Variants in MCTP1 observed in about 807,000 individuals in gnomAD.
MCTP1 encodes the protein multiple C2 and transmembrane domain containing 1, also known as multiple C2 and transmembrane domain-containing protein 1.
Under a neutral mutation model 120.6 loss-of-function variants are expected in MCTP1, and 69 were observed. That is an observed-to-expected ratio of 0.57 (90% CI 0.47 to 0.70). The LOEUF is 0.70. Ranked by LOEUF, MCTP1 falls within the 30% of genes least tolerant of loss-of-function variation. MCTP1 has a pLI of 0.00. For synonymous variants in MCTP1, 529 were observed against 493.1 expected (o/e 1.07, Z -0.96); for missense variants, 1,203 against 1,248.8 (o/e 0.96, Z 0.55).
At chr5:95,024,474 C>A (rs1046480552) in intron 1 of MCTP1, among the ~76,000 whole-genome samples, 5 of 152,016 alleles carry the variant, frequency 3.3e-5, no homozygotes, top group African/African-American at 1.2e-4. Flanking sequence ...ACAGTAAACA[C>A]CATATATGAC....
At chr5:94,780,411 C>T (rs1045639985) in intron 18 of MCTP1, among the ~76,000 whole-genome samples, 1 of 152,062 alleles carries the variant, frequency 6.6e-6, no homozygotes, top group Non-Finnish European at 1.5e-5. Context: ...ATTCTAAAAG[C>T]ATTAACTGAT....
chr5:95,225,456 C>T (rs1754152960), intron 1 of MCTP1, among the ~76,000 whole-genome samples: 2 of 152,172 alleles, frequency 1.3e-5, no homozygotes, highest in African/African-American at 4.8e-5. Context: ...CTTTACAATA[C>T]CAGCTCCAAA....
At chr5:94,725,421 TG>T (rs755880297) in intron 19 of MCTP1, among the ~76,000 whole-genome samples, 2 of 152,250 alleles carry the variant, frequency 1.3e-5, no homozygotes, top group Non-Finnish European at 2.9e-5. Context: ...TCAGAAACAC[TG>T]AGCTTGTTTC....
At chr5:94,710,597 T>C in intron 21 of MCTP1, 1 of 449,688 alleles carries the variant, frequency 2.2e-6, no homozygotes. Flanking sequence ...AACATGTTTA[T>C]AGTATGATGA....
chr5:94,783,198 GC>G (rs1192467409), intron 18 of MCTP1, among the ~76,000 whole-genome samples: 1 of 152,062 alleles, frequency 6.6e-6, no homozygotes, highest in Non-Finnish European at 1.5e-5. Context: ...CCCAAATGCA[GC>G]ATGCCAGCTA....
intron 1 of MCTP1, among the ~76,000 whole-genome samples, 198 bp downstream of exon 1, chr5:95,283,658 C>T (rs1276496007): frequency 6.6e-6 from 1 of 152,254 alleles, no homozygotes; most frequent in African/African-American, 2.4e-5. Context: ...AAAGTAAAGT[C>T]CGGGTGCAAG....
At chr5:94,981,440 C>T (rs1829396817) in intron 2 of MCTP1, among the ~76,000 whole-genome samples, 2 of 152,160 alleles carry the variant, frequency 1.3e-5, no homozygotes, top group Admixed American at 1.3e-4. Flanking sequence ...TTTTCCTTTC[C>T]TGAAATACAC....
intron 1 of MCTP1, among the ~76,000 whole-genome samples, chr5:95,169,845 G>A (rs1381192826): frequency 2.6e-5 from 4 of 152,104 alleles, no homozygotes; most frequent in African/African-American, 7.2e-5. Flanking sequence ...TCAAAAACCA[G>A]GTCCTGAATT....
intron 1 of MCTP1, among the ~76,000 whole-genome samples, chr5:95,053,281 T>C (rs1746488963): frequency 6.6e-6 from 1 of 152,212 alleles, no homozygotes; most frequent in Non-Finnish European, 1.5e-5. Flanking sequence ...GACAAGCTGC[T>C]CAGTCCTATA....
At chr5:94,735,654 C>T (rs138384558) in intron 19 of MCTP1, among the ~76,000 whole-genome samples, 79 of 152,278 alleles carry the variant, frequency 5.2e-4, no homozygotes, top group African/African-American at 1.8e-3. Context: ...AGAACAGTTT[C>T]ACTCTATATA....
intron 1 of MCTP1, among the ~76,000 whole-genome samples, chr5:95,131,887 C>A (rs532889603): frequency 6.6e-6 from 1 of 152,162 alleles, no homozygotes; most frequent in East Asian, 1.9e-4. Context: ...GTGTGTTGTC[C>A]CTTGAAATTG....
At chr5:95,189,624 T>C (rs138525843) in intron 1 of MCTP1, among the ~76,000 whole-genome samples, 4 of 152,136 alleles carry the variant, frequency 2.6e-5, no homozygotes, top group East Asian at 1.9e-4. Flanking sequence ...ATAGGGCACA[T>C]TGAATAGGAA....
At chr5:94,783,957 G>T (rs189103729) in intron 18 of MCTP1, among the ~76,000 whole-genome samples, 3 of 152,058 alleles carry the variant, frequency 2.0e-5, no homozygotes, top group Admixed American at 2.0e-4. Context: ...TGGATGTTTT[G>T]CTATGTTCAA....
chr5:95,225,386 A>G (rs1754143312), intron 1 of MCTP1, among the ~76,000 whole-genome samples: 1 of 152,208 alleles, frequency 6.6e-6, no homozygotes, highest in African/African-American at 2.4e-5. Context: ...AATAAATTGG[A>G]CATCTCCCAA....
intron 1 of MCTP1, among the ~76,000 whole-genome samples, chr5:95,253,314 T>C (rs1232047127): frequency 6.6e-6 from 1 of 152,118 alleles, no homozygotes; most frequent in African/African-American, 2.4e-5. Context: ...ACCCACATAC[T>C]CTGTAAGAAC....
chr5:94,864,232 T>G (rs1413026701), intron 17 of MCTP1, among the ~76,000 whole-genome samples: 1 of 151,834 alleles, frequency 6.6e-6, no homozygotes, highest in African/African-American at 2.4e-5. Context: ...AGAAATGTAT[T>G]TTATGACTAA....
chr5:95,146,082 T>C (rs1376709642), intron 1 of MCTP1, among the ~76,000 whole-genome samples: 1 of 152,110 alleles, frequency 6.6e-6, no homozygotes, highest in Non-Finnish European at 1.5e-5. Flanking sequence ...TCCGTTCAGA[T>C]TTTCATTTTC....
At chr5:94,724,709 T>C (rs1761737599) in intron 19 of MCTP1, among the ~76,000 whole-genome samples, 1 of 152,188 alleles carries the variant, frequency 6.6e-6, no homozygotes, top group Non-Finnish European at 1.5e-5. Flanking sequence ...TCTCTCAAAG[T>C]TACCCAGGGA....
At chr5:94,929,522 A>T in intron 6 of MCTP1, 1 of 498,516 alleles carries the variant, frequency 2.0e-6, no homozygotes, top group Non-Finnish European at 2.6e-6. Context: ...AAAAATCTGT[A>T]CTCAGACAAG....
Sources: allele counts gnomAD v4.1 joint callset (sites outside exome capture counted in the v4.1 genomes callset), GRCh38; gene constraint gnomAD v4.1.1; transcripts MANE v1.5; gene names NCBI Gene and HGNC (gene_info 2026-07-23, HGNC 2026-07-21).